CDH11: variants seen among roughly 807,000 people sequenced by gnomAD.
CDH11 encodes the protein cadherin-11.
Under a neutral mutation model 67.8 loss-of-function variants are expected in CDH11, and 11 were observed. That is an observed-to-expected ratio of 0.16 (90% CI 0.10 to 0.27). The LOEUF (loss-of-function observed/expected upper bound fraction) is 0.27. Ranked by LOEUF, CDH11 falls within the 10% of genes least tolerant of loss-of-function variation. CDH11 has a pLI of 1.00. For synonymous variants in CDH11, 419 were observed against 400.0 expected (o/e 1.05, Z -0.57); for missense variants, 847 against 1,031.2 (o/e 0.82, Z 2.45).
At chr16:65,057,729 G>C (rs1216899829) in intron 1 of CDH11, among the ~76,000 whole-genome samples, 3 of 152,188 alleles carry the variant, frequency 2.0e-5, no homozygotes, top group Non-Finnish European at 2.9e-5. Flanking sequence ...AGCCCGAGGA[G>C]ATGGAGTTAC....
chr16:64,954,818 A>C (rs1446677785), intron 11 of CDH11, among the ~76,000 whole-genome samples: 1 of 151,908 alleles, frequency 6.6e-6, no homozygotes. Flanking sequence ...AAAATAAGTC[A>C]CTATGGCCTG....
chr16:65,054,547 G>C (rs1567551555), intron 1 of CDH11, among the ~76,000 whole-genome samples: 1 of 152,094 alleles, frequency 6.6e-6, no homozygotes, highest in African/African-American at 2.4e-5. Context: ...GCTGTGTTCT[G>C]CTTGGATTCT....
intron 1 of CDH11, among the ~76,000 whole-genome samples, chr16:65,112,824 G>T (rs573896599): frequency 6.6e-6 from 1 of 152,274 alleles, no homozygotes; most frequent in East Asian, 1.9e-4. Context: ...AATGACACTG[G>T]ACTGATCACG....
intron 2 of CDH11, among the ~76,000 whole-genome samples, chr16:65,017,783 C>G (rs1358678712): frequency 6.6e-6 from 1 of 152,092 alleles, no homozygotes; most frequent in African/African-American, 2.4e-5. Flanking sequence ...CCAGAGATCA[C>G]TAGTTGGTTC....
chr16:65,040,780 C>A (rs148019648), intron 2 of CDH11, among the ~76,000 whole-genome samples: 1 of 152,200 alleles, frequency 6.6e-6, no homozygotes, highest in East Asian at 1.9e-4. Context: ...ATATATAATT[C>A]ATGTATCATA....
rs555377052 is a variant in CDH11, at chr16:65,089,470, TGAAA to T, written c.-298+32406_-298+32409del. On this transcript the variant is annotated intron_variant, in intron 1 of 12. Coordinates refer to ENST00000268603, the MANE Select transcript of CDH11 (RefSeq NM_001797.4). ...TTGTGAAAACTTGCTCTTAAAACTA[TGAAA>T]GAATGGTAAAATAACTAATTATGTG... is the stretch of plus-strand genomic sequence containing the variant. Among the ~76,000 whole-genome samples the T allele has an allele frequency of 3.3e-5, 5 of 152,280 alleles. No individual in the cohort carries two copies. In the South Asian group the frequency reaches 1.0e-3, roughly 32 times the overall value.
intron 11 of CDH11, among the ~76,000 whole-genome samples, chr16:64,961,237 G>C (rs2071666281): frequency 6.6e-6 from 1 of 152,092 alleles, no homozygotes; most frequent in South Asian, 2.1e-4. Flanking sequence ...ATCAAACAGG[G>C]AAGAGGCTTC....
chr16:65,078,961 A>G (rs1368237206), intron 1 of CDH11, among the ~76,000 whole-genome samples: 8 of 152,246 alleles, frequency 5.3e-5, no homozygotes, highest in Non-Finnish European at 1.2e-4. Flanking sequence ...TTGGATGTGA[A>G]AAGTGAAATT....
At chr16:65,109,045 G>A (rs928520171) in intron 1 of CDH11, among the ~76,000 whole-genome samples, 2 of 152,126 alleles carry the variant, frequency 1.3e-5, no homozygotes, top group Non-Finnish European at 2.9e-5. Context: ...TACTTGGGAG[G>A]TTGAGGCAAG....
At chr16:65,042,328 G>T (rs1206686649) in intron 2 of CDH11, among the ~76,000 whole-genome samples, 1 of 152,170 alleles carries the variant, frequency 6.6e-6, no homozygotes, top group Non-Finnish European at 1.5e-5. Flanking sequence ...CAATGAGGAA[G>T]TGTCCAATGA....
At chr16:65,068,254 T>C (rs2074353770) in intron 1 of CDH11, among the ~76,000 whole-genome samples, 1 of 150,838 alleles carries the variant, frequency 6.6e-6, no homozygotes, top group Non-Finnish European at 1.5e-5. Context: ...AACTGCAAGA[T>C]AAAGTAATCA....
At chr16:65,041,025 A>T (rs1002958560) in intron 2 of CDH11, among the ~76,000 whole-genome samples, 2 of 152,156 alleles carry the variant, frequency 1.3e-5, no homozygotes, top group Admixed American at 6.5e-5. Context: ...TTACTAACCA[A>T]CATCCTGGTA....
rs183987533 is a variant in CDH11, at chr16:64,976,750, T to C, written c.1254-3710A>G. Among the ~76,000 whole-genome samples, 65 of 152,180 alleles carry C rather than the reference T, an allele frequency of 4.3e-4. No individual in the cohort carries two copies. The East Asian group carries it at 0.01, about 24-fold the overall frequency. On this transcript the variant is annotated intron_variant, in intron 8 of 12. Coordinates refer to ENST00000268603, the MANE Select transcript of CDH11 (RefSeq NM_001797.4). Reference sequence around the variant, plus strand: ...GGCACACACCTATAATCCCAGCTACTTGGGAGAGAATTGCTTGAACCCAGG... The same window carrying C: ...GGCACACACCTATAATCCCAGCTACCTGGGAGAGAATTGCTTGAACCCAGG...
At chr16:65,013,338 C>T (rs767065481) in intron 2 of CDH11, among the ~76,000 whole-genome samples, 5 of 152,036 alleles carry the variant, frequency 3.3e-5, no homozygotes, top group African/African-American at 9.7e-5. Flanking sequence ...AATTTCTAGT[C>T]GGGGTTGACA....
At chr16:64,972,819 C>G (rs2072045479) in intron 9 of CDH11, 85 bp downstream of exon 9, 1 of 1,420,936 alleles carries the variant, frequency 7.0e-7, no homozygotes, top group Non-Finnish European at 9.7e-7. Flanking sequence ...GTTAGTCTAT[C>G]TCAGCTATTT....
chr16:65,035,087 C>T (rs1378746641), intron 2 of CDH11, among the ~76,000 whole-genome samples: 3 of 152,134 alleles, frequency 2.0e-5, no homozygotes, highest in African/African-American at 2.4e-5. Flanking sequence ...CGGGCAGTGA[C>T]GTTGCAAGGC....
chr16:65,079,153 A>G (rs901269309), intron 1 of CDH11, among the ~76,000 whole-genome samples: 1 of 152,136 alleles, frequency 6.6e-6, no homozygotes, highest in African/African-American at 2.4e-5. Flanking sequence ...GGCATATACA[A>G]CAGAGCTCCT....
intron 1 of CDH11, among the ~76,000 whole-genome samples, chr16:65,078,916 C>G (rs958201201): frequency 1.3e-5 from 2 of 152,112 alleles, no homozygotes; most frequent in African/African-American, 4.8e-5. Flanking sequence ...GTTTTTGTCT[C>G]CAAGTTTAAA....
rs759737776 is a variant in CDH11 at position 64,951,005 on chromosome 16, G to A, written c.1656C>T (p.Gly552=). ...TVRDNRDNTA[G]VYARRGGFSR... ...TGAACCCTCCACGCCGGGCGTACAC[G>A]CCTGCTGTGTTATCTGCAGAAAGAG... is the stretch of plus-strand genomic sequence containing the variant. The change falls in exon 12 of 13, where the codon GGC becomes GGT. Residue 552 remains glycine, a synonymous_variant. Coordinates refer to ENST00000268603, the MANE Select transcript of CDH11 (RefSeq NM_001797.4). 35 of 1,613,332 alleles carry A rather than the reference G, an allele frequency of 2.2e-5. No homozygotes were observed. The highest frequency in any genetic ancestry group is 3.0e-5 in the Non-Finnish European group (35 of 1,179,644).
Sources: gnomAD v4.1 joint callset for allele counts (sites outside exome capture counted in the v4.1 genomes callset) on GRCh38, gnomAD v4.1.1 for gene constraint, MANE v1.5 for transcripts, NCBI Gene and HGNC (gene_info 2026-07-23, HGNC 2026-07-21) for gene names.